The following CRTC1 variants were observed in gnomAD, a reference collection of about 807,000 sequenced individuals.
CRTC1 encodes CREB-regulated transcription coactivator 1.
A neutral mutation model predicts 66.1 loss-of-function variants in CRTC1; 18 were observed. The ratio of observed to expected loss-of-function variants is 0.27; its 90% CI spans 0.19 to 0.40. The LOEUF is 0.40. Ranked by LOEUF, CRTC1 falls within the 10% of genes least tolerant of loss-of-function variation. The pLI, the probability that CRTC1 is intolerant of heterozygous loss-of-function variation, is 1.00. For missense variants in CRTC1, 669 were observed against 887.9 expected (o/e 0.75, Z 3.13); for synonymous variants, 416 against 398.8 (o/e 1.04, Z -0.51).
Position 18,781,100 on chromosome 19 carries a change from G to A in CRTC1, c.*3718G>A. On this transcript the variant is annotated 3_prime_UTR_variant, in exon 14 of 14. Coordinates refer to ENST00000321949, the MANE Select transcript of CRTC1 (RefSeq NM_015321.3). Reference sequence around the variant, plus strand: ...GGGTCCCGATGGAGCCGTCTCAGAGGCCGAGGGGCCCTCTGTGTGGGGGTG... The same window carrying A: ...GGGTCCCGATGGAGCCGTCTCAGAGACCGAGGGGCCCTCTGTGTGGGGGTG... 1 of 227,792 alleles carries A rather than the reference G, an allele frequency of 4.4e-6. No homozygotes were observed. The allele number at this position is 227,792 out of a possible 1,614,324, so 14.1% of individuals were successfully genotyped here.
In CRTC1 at chr19:18,777,320, G is replaced by A; in HGVS notation, c.1843G>A (p.Asp615Asn). Residue 615 changes from aspartate (D) to asparagine (N), a missense_variant, in exon 14 of 14, where the codon GAC becomes AAC. Around this residue, in one of 8 missense-constraint regions of CRTC1, gnomAD observed 91 missense variants for 99.1 expected, o/e 0.92. Coordinates refer to ENST00000321949, the MANE Select transcript of CRTC1 (RefSeq NM_015321.3). This position sits in a 1 kb window ranked among gnomAD's most constrained non-coding sequence, Gnocchi z 5.5. ...CCTCGACGGACTGCACATGCTCAAC[G>A]ACCCCGACATGGTTCTGGCCGACCC... is the stretch of plus-strand genomic sequence containing the variant. ...LTLDGLHMLNDPDMVLADPAT... is the reference protein window; with the variant it reads ...LTLDGLHMLNNPDMVLADPAT... The A allele has an allele frequency of 6.2e-7, 1 of 1,610,972 alleles. No homozygotes were observed. Among genetic ancestry groups the A allele is most frequent in the Non-Finnish European group, 8.5e-7 (1 of 1,179,984 alleles).
intron 1 of CRTC1, among the ~76,000 whole-genome samples, chr19:18,691,522 C>CAAAAA (rs60633222): frequency 1.4e-4 from 10 of 72,598 alleles, no homozygotes; most frequent in East Asian, 7.9e-4. Context: ...CCCTTTTCTC[C>CAAAAA]AAAAAAAAAA....
Position 18,768,820 on chromosome 19 carries a change from G to A in CRTC1, c.1320+27G>A. Reference sequence around the variant, plus strand: ...TAAGCCCAGGGTGGGGTCCCTCGGGGCCTGACTGGGGGTCTTGTAGAGGAC... The same window carrying A: ...TAAGCCCAGGGTGGGGTCCCTCGGGACCTGACTGGGGGTCTTGTAGAGGAC... On this transcript the variant is annotated intron_variant, in intron 10 of 13. Coordinates refer to ENST00000321949, the MANE Select transcript of CRTC1 (RefSeq NM_015321.3). The surrounding 1 kb of genome is among the most constrained non-coding windows in gnomAD (Gnocchi z 5.6). 6.4e-7 allele frequency: 1 copy of A among 1,572,478 alleles called. No individual in the cohort carries two copies.
Position 18,780,024 on chromosome 19 carries a change from T to G in CRTC1, c.*2642T>G, listed in dbSNP as rs562789538. 11 of 229,882 alleles carry G rather than the reference T, an allele frequency of 4.8e-5. No homozygotes were observed. Among genetic ancestry groups the G allele is most frequent in the Non-Finnish European group, 9.5e-5 (11 of 116,106 alleles). The allele number at this position is 229,882 out of a possible 1,614,324, so 14.2% of individuals were successfully genotyped here. A position where few individuals can be genotyped will look rare whatever the true frequency, so the allele number is the denominator to read the frequency against. On this transcript the variant is annotated 3_prime_UTR_variant, in exon 14 of 14. Transcript: ENST00000321949. Reference sequence around the variant, plus strand: ...TTTTTTAAATATCACTACTACATATTCTTGAATTGCCAAGACTTTCTGAAA... The same window carrying G: ...TTTTTTAAATATCACTACTACATATGCTTGAATTGCCAAGACTTTCTGAAA...
chr19:18,710,634 CAG>C (rs377364234), intron 1 of CRTC1, among the ~76,000 whole-genome samples: 13 of 152,210 alleles, frequency 8.5e-5, no homozygotes, highest in African/African-American at 3.1e-4. Context: ...TTTTTTGAGA[CAG>C]AGTCTCACTC....
In CRTC1 at chr19:18,749,988, C is replaced by CAG. The variant is rs573828409; in HGVS notation, c.538+115_538+116dup. On this transcript the variant is annotated intron_variant, in intron 5 of 13. Coordinates refer to ENST00000321949, the MANE Select transcript of CRTC1 (RefSeq NM_015321.3). ...GCAGATGGCTCTTCAAAGGAAGACT[C>CAG]AGACCATGCTGAGGGATCGGGGGAG... The CAG allele has an allele frequency of 5.1e-4, 415 of 818,718 alleles. 2 individuals carry two copies. The South Asian group carries it at 5.5e-3, about 11-fold the overall frequency. 50.7% of individuals were successfully genotyped at this position (818,718 alleles called of 1,614,324 possible).
chr19:18,717,046 T>C (rs1171673261), intron 1 of CRTC1, among the ~76,000 whole-genome samples: 1 of 152,134 alleles, frequency 6.6e-6, no homozygotes, highest in Non-Finnish European at 1.5e-5. Flanking sequence ...TGCACGTGCA[T>C]GAATGTGTTT....
chr19:18,746,572 C>T (rs1461357462), intron 3 of CRTC1, among the ~76,000 whole-genome samples: 1 of 150,464 alleles, frequency 6.6e-6, no homozygotes, highest in Non-Finnish European at 1.5e-5. Flanking sequence ...CTCCCGGGAT[C>T]CCCCGGCTCT....
rs79401783 is a variant in CRTC1 at position 18,774,097 on chromosome 19, G to A, written c.1426-803G>A. 4.5e-4 allele frequency among the ~76,000 whole-genome samples: 69 copies of A among 152,258 alleles called. No individual in the cohort carries two copies. In the East Asian group the frequency reaches 0.011, roughly 25 times the overall value. On this transcript the variant is annotated intron_variant, in intron 11 of 13. Coordinates refer to ENST00000321949, the MANE Select transcript of CRTC1 (RefSeq NM_015321.3). The stretch of plus-strand genomic sequence containing the variant: ...AGCCAGAGCTCCCAGCCCCCTGGAT[G>A]CTGCCAGGCCTCCAGCAGCCACAAG...
chr19:18,722,958 T>A (rs2053661122), intron 1 of CRTC1, among the ~76,000 whole-genome samples: 1 of 152,138 alleles, frequency 6.6e-6, no homozygotes, highest in African/African-American at 2.4e-5. Context: ...CTTTTTTTTT[T>A]GAGACAGGGT....
intron 11 of CRTC1, among the ~76,000 whole-genome samples, chr19:18,773,265 C>T (rs2054910441): frequency 6.6e-6 from 1 of 152,142 alleles, no homozygotes; most frequent in Non-Finnish European, 1.5e-5. Flanking sequence ...CCCATCGGTC[C>T]CACAGGCCCA....
chr19:18,734,292 C>T (rs1269800752), intron 1 of CRTC1, among the ~76,000 whole-genome samples: 1 of 152,082 alleles, frequency 6.6e-6, no homozygotes, highest in African/African-American at 2.4e-5. Flanking sequence ...GAATCATTCA[C>T]TTTCAAACAA....
chr19:18,754,930 C>G (rs1197685001), intron 6 of CRTC1, among the ~76,000 whole-genome samples: 1 of 151,278 alleles, frequency 6.6e-6, no homozygotes, highest in Non-Finnish European at 1.5e-5. Flanking sequence ...CTGTGTATTT[C>G]TTTTTCTTTT....
At chr19:18,749,544 C>T (rs751069227) in intron 4 of CRTC1, among the ~76,000 whole-genome samples, 3 of 152,372 alleles carry the variant, frequency 2.0e-5, no homozygotes, top group Middle Eastern at 3.4e-3. Context: ...GGACCACAGG[C>T]GTGCGCCACC....
chr19:18,719,838 G>C (rs1407758390), intron 1 of CRTC1, among the ~76,000 whole-genome samples: 1 of 152,228 alleles, frequency 6.6e-6, no homozygotes, highest in African/African-American at 2.4e-5. Context: ...GTTAGGTCCG[G>C]CACCTGTCAG....
chr19:18,771,324 A>C lies in CRTC1; in HGVS notation c.1321-118A>C. The stretch of plus-strand genomic sequence containing the variant: ...ACCAGTGGGGTGGCGACCATCACCA[A>C]GGTGTGAGGGGCGGGGGGACCTGCC... On this transcript the variant is annotated intron_variant, in intron 10 of 13. Coordinates refer to ENST00000321949, the MANE Select transcript of CRTC1 (RefSeq NM_015321.3). This position sits in a 1 kb window ranked among gnomAD's most constrained non-coding sequence, Gnocchi z 4.6. 2.6e-6 allele frequency: 2 copies of C among 777,676 alleles called. No homozygotes were observed. Among genetic ancestry groups the C allele is most frequent in the Non-Finnish European group, 4.1e-6 (2 of 492,368 alleles). The allele number at this position is 777,676 out of a possible 1,614,324, so 48.2% of individuals were successfully genotyped here.
At chr19:18,762,120 T>A (rs2054627610) in intron 8 of CRTC1, among the ~76,000 whole-genome samples, 1 of 152,140 alleles carries the variant, frequency 6.6e-6, no homozygotes, top group African/African-American at 2.4e-5. Flanking sequence ...AGCCACCATC[T>A]CCCAGCCCCT....
intron 11 of CRTC1, among the ~76,000 whole-genome samples, chr19:18,772,272 T>C (rs1469731755): frequency 6.6e-6 from 1 of 152,182 alleles, no homozygotes; most frequent in Non-Finnish European, 1.5e-5. Flanking sequence ...CCTCCTCCTG[T>C]TGTACTTTGA....
rs1195798782 is a variant in CRTC1 at position 18,760,916 on chromosome 19, G to T, written c.886+688G>T. Among the ~76,000 whole-genome samples the T allele has an allele frequency of 6.6e-6, 1 of 151,610 alleles. No homozygotes were observed. Among genetic ancestry groups the T allele is most frequent in the Non-Finnish European group, 1.5e-5 (1 of 67,864 alleles). ...GGCCTGACCTGGCTCCTCTCCCCAG[G>T]CCCCCAGCCCCCTCCCCACCTAGAA... On this transcript the variant is annotated intron_variant, in intron 8 of 13. Transcript: ENST00000321949. The surrounding 1 kb of genome is among the most constrained non-coding windows in gnomAD (Gnocchi z 6.2).
Sources: allele counts gnomAD v4.1 joint callset (sites outside exome capture counted in the v4.1 genomes callset), GRCh38; gene constraint gnomAD v4.1.1; regional missense constraint gnomAD v4.1.1; non-coding constraint Gnocchi (gnomAD v3.1); transcripts MANE v1.5; gene names NCBI Gene and HGNC (gene_info 2026-07-23, HGNC 2026-07-21).